The following KRT28 variants were observed in gnomAD, a reference collection of about 807,000 sequenced individuals.
KRT28 encodes keratin, type I cytoskeletal 28.
In KRT28, 45 loss-of-function variants were observed where a neutral mutation model predicts 48.1. The observed-to-expected ratio is 0.94, with a 90% CI of 0.74 to 1.20. The LOEUF (loss-of-function observed/expected upper bound fraction) is 1.20, where lower values mean the gene tolerates loss of function less well. KRT28 is among the 50% of genes most tolerant of loss of function. The pLI is 0.00. For synonymous variants in KRT28, 228 were observed against 227.4 expected, an observed-to-expected ratio of 1.00 and a Z score of -0.03; for missense variants, 571 against 574.1, an observed-to-expected ratio of 0.99 and a Z score of 0.06.
Position 40,793,150 on chromosome 17 carries a change from A to G in KRT28, c.1252+5T>C, listed in dbSNP as rs755514761. 1.9e-6 allele frequency: 3 copies of G among 1,540,322 alleles called. No homozygotes were observed. Among genetic ancestry groups the G allele is most frequent in the Non-Finnish European group, 2.6e-6 (3 of 1,137,914 alleles). ...AAGAAAAGAAATAGAACTAGATTTT[A>G]TTACCTTTAGATGAATTCCCAGGGC... is the stretch of plus-strand genomic sequence containing the variant. On this transcript the variant is annotated splice_donor_5th_base_variant and intron_variant, in intron 7 of 7. Transcript: ENST00000306658.
intron 5 of KRT28, among the ~76,000 whole-genome samples, chr17:40,796,659 A>G (rs752933768): frequency 4.6e-5 from 7 of 152,100 alleles, no homozygotes; most frequent in Non-Finnish European, 1.0e-4. Flanking sequence ...CTGAGAAAGG[A>G]TCTATGTGAA....
chr17:40,798,408 G>T lies in KRT28; in HGVS notation c.534-17C>A. 1 of 1,587,028 alleles carries T rather than the reference G, an allele frequency of 6.3e-7. No individual in the cohort carries two copies. The highest frequency in any genetic ancestry group is 8.6e-7 in the Non-Finnish European group (1 of 1,162,482). ...TTTTCATACCTTGGGGGGCATTTAA[G>T]TGAATTTCAGTGCCAGTAAGACTAC... is the stretch of plus-strand genomic sequence containing the variant. On this transcript the variant is annotated splice_polypyrimidine_tract_variant and intron_variant, in intron 2 of 7. Transcript: ENST00000306658.
Position 40,799,603 on chromosome 17 carries a change from C to G in KRT28, c.291G>C (p.Leu97Phe). ...CTCGCACATTATCCAGGTAGGATGC[C>G]AAGCGGTCATTAAGATTTTGCATGG... Reference protein sequence around the residue: ...KVTMQNLNDRLASYLDNVRAL... With the variant: ...KVTMQNLNDRFASYLDNVRAL... The change falls in exon 1 of 8, where the codon TTG becomes TTC. Residue 97 changes from leucine to phenylalanine, a missense_variant. By Grantham distance (22) the Leu-to-Phe change is conservative. Coordinates refer to ENST00000306658, the MANE Select transcript of KRT28 (RefSeq NM_181535.3). 6.2e-7 allele frequency: 1 copy of G among 1,614,168 alleles called. No homozygotes were observed. The highest frequency in any genetic ancestry group is 2.2e-5 in the East Asian group (1 of 44,888).
At chr17:40,794,895 T>C (rs1001506060) in intron 5 of KRT28, among the ~76,000 whole-genome samples, 1 of 152,256 alleles carries the variant, frequency 6.6e-6, no homozygotes, top group African/African-American at 2.4e-5. Flanking sequence ...GAAAGATTTA[T>C]TAAGAGAAGA....
At chr17:40,795,801 A>T (rs1475303756) in intron 5 of KRT28, among the ~76,000 whole-genome samples, 1 of 152,168 alleles carries the variant, frequency 6.6e-6, no homozygotes, top group Non-Finnish European at 1.5e-5. Context: ...GTAGCTCAGA[A>T]ATAGAGGGAG....
chr17:40,797,182 C>A lies in KRT28; in HGVS notation c.790G>T (p.Ala264Ser), dbSNP rs1264433009. Residue 264 changes from alanine to serine, a missense_variant, in exon 4 of 8, where the codon GCG becomes TCG. Transcript: ENST00000306658. The stretch of plus-strand genomic sequence containing the variant: ...TGCTCTGCAAGGGCTTCGTACTCCG[C>A]TCGCATGTTGTTCAACAAAACCGCG... The part of the protein sequence containing the change: ...DLAVLLNNMR[A>S]EYEALAEQNR... 1.2e-6 allele frequency: 2 copies of A among 1,614,182 alleles called. No homozygotes were observed. The highest frequency in any genetic ancestry group is 1.7e-6 in the Non-Finnish European group (2 of 1,180,026).
chr17:40,794,617 C>T (rs1331562280), intron 5 of KRT28, among the ~76,000 whole-genome samples: 3 of 152,134 alleles, frequency 2.0e-5, no homozygotes, highest in Non-Finnish European at 4.4e-5. Context: ...AGCTATATCT[C>T]ATAACACAAT....
At chr17:40,798,479 T>G in intron 2 of KRT28, 88 bp from the exon 3 acceptor site, 1 of 1,408,800 alleles carries the variant, frequency 7.1e-7, no homozygotes, top group South Asian at 1.3e-5. Flanking sequence ...AAACTGAAAA[T>G]TAGAAATTGA....
chr17:40,799,612 A>G lies in KRT28; in HGVS notation c.282T>C (p.Asn94=), dbSNP rs1404779091. 2 of 1,614,150 alleles carry G rather than the reference A, an allele frequency of 1.2e-6. No individual in the cohort carries two copies. Among genetic ancestry groups the G allele is most frequent in the Non-Finnish European group, 1.7e-6 (2 of 1,180,026 alleles). The part of the protein sequence containing the change: ...GNEKVTMQNL[N]DRLASYLDNV... ...TATCCAGGTAGGATGCCAAGCGGTC[A>G]TTAAGATTTTGCATGGTCACCTTCT... Residue 94 remains asparagine, a synonymous_variant, in exon 1 of 8, where the codon AAT becomes AAC. Coordinates refer to ENST00000306658, the MANE Select transcript of KRT28 (RefSeq NM_181535.3).
chr17:40,793,859 G>T lies in KRT28; in HGVS notation c.1166C>A (p.Thr389Asn). Residue 389 changes from threonine to asparagine, a missense_variant, in exon 6 of 8, where the codon ACC becomes AAC. Coordinates refer to ENST00000306658, the MANE Select transcript of KRT28 (RefSeq NM_181535.3). The part of the protein sequence containing the change: ...VKVHLEKEIE[T>N]YCRLIDGDGN... ...ATCTCCATCTATCAGGCGGCAGTAG[G>T]TCTCAATTTCTTTTTCCAAGTGGAC... 1.2e-6 allele frequency: 2 copies of T among 1,613,910 alleles called. No individual in the cohort carries two copies. The highest frequency in any genetic ancestry group is 1.1e-5 in the South Asian group (1 of 91,062).
At chr17:40,796,724 T>G (rs1275967556) in intron 5 of KRT28, among the ~76,000 whole-genome samples, 192 bp downstream of exon 5, 1 of 152,176 alleles carries the variant, frequency 6.6e-6, no homozygotes, top group African/African-American at 2.4e-5. Flanking sequence ...AAACTCCCAG[T>G]GATGTCAAGG....
chr17:40,797,069 G>A (rs1362654233), intron 4 of KRT28, 28 bp from the exon 5 acceptor site: 4 of 1,610,570 alleles, frequency 2.5e-6, no homozygotes, highest in Admixed American at 1.7e-5. Flanking sequence ...AGGGTCACAC[G>A]GAGTCCCCAC....
intron 1 of KRT28, 119 bp from the exon 2 acceptor site, chr17:40,799,118 TA>T: frequency 1.3e-5 from 8 of 636,336 alleles, no homozygotes; most frequent in Non-Finnish European, 2.7e-6. Flanking sequence ...CCTTATGTAA[TA>T]ATCAAAATGT....
intron 5 of KRT28, among the ~76,000 whole-genome samples, chr17:40,794,577 G>GC (rs1240925329): frequency 4.6e-5 from 7 of 151,952 alleles, no homozygotes; most frequent in African/African-American, 1.7e-4. Flanking sequence ...TTGAATGAGT[G>GC]CCTTAACAGA....
chr17:40,796,989 G>A lies in KRT28; in HGVS notation c.905C>T (p.Ala302Val). The change falls in exon 5 of 8, where the codon GCC becomes GTC. Residue 302 changes from alanine (A) to valine (V), a missense_variant. Ala to Val is a moderately conservative substitution (Grantham distance 64). Coordinates refer to ENST00000306658, the MANE Select transcript of KRT28 (RefSeq NM_181535.3). ...ISHDSGAATFARSQLTEMRRT... is the reference protein window; with the variant it reads ...ISHDSGAATFVRSQLTEMRRT... ...CCTCATCTCGGTGAGCTGGCTCCGG[G>A]CGAAAGTGGCTGCGCCTGAGTCGTG... 1 of 1,612,818 alleles carries A rather than the reference G, an allele frequency of 6.2e-7. No homozygotes were observed. The highest frequency in any genetic ancestry group is 1.1e-5 in the South Asian group (1 of 91,028).
At position 40,799,731 on chromosome 17, in the gene KRT28, TG is replaced by T. The variant is rs1904718351; in HGVS notation, c.162del (p.Ser55ValfsTer34). On this transcript the variant is annotated frameshift_variant, in exon 1 of 8. Coordinates refer to ENST00000306658, the MANE Select transcript of KRT28 (RefSeq NM_181535.3). LOFTEE classifies it high-confidence loss of function. The part of the protein sequence containing the change: ...EFSCALGGGL[G>X]SVPGGSHAGG... ...CCAGCATGGCTCCCACCAGGAACAC[TG>T]CCCAAGCCCCCTCCCAAGGCACAGG... The T allele has an allele frequency of 1.2e-6, 2 of 1,613,220 alleles. No homozygotes were observed. The highest frequency in any genetic ancestry group is 1.7e-6 in the Non-Finnish European group (2 of 1,179,726).
chr17:40,793,216 A>G lies in KRT28; in HGVS notation c.1197-6T>C. 1 of 1,524,404 alleles carries G rather than the reference A, an allele frequency of 6.6e-7. No homozygotes were observed. Among genetic ancestry groups the G allele is most frequent in the Non-Finnish European group, 8.9e-7 (1 of 1,129,182 alleles). 94.4% of individuals were successfully genotyped at this position (1,524,404 alleles called of 1,614,324 possible). On this transcript the variant is annotated splice_region_variant and splice_polypyrimidine_tract_variant and intron_variant, in intron 6 of 7. Coordinates refer to ENST00000306658, the MANE Select transcript of KRT28 (RefSeq NM_181535.3). ...CCTTTGATTTGGAGCATGAACTGTA[A>G]AAGAAATATAGTTTATTCTTTTATA...
chr17:40,799,362 A>C (rs1408634038), intron 1 of KRT28, 82 bp downstream of exon 1: 1 of 1,115,366 alleles, frequency 9.0e-7, no homozygotes, highest in African/African-American at 1.6e-5. Flanking sequence ...AACAGTCATG[A>C]AGCATTTCTT....
chr17:40,794,957 A>G (rs1407183842), intron 5 of KRT28, among the ~76,000 whole-genome samples: 1 of 152,200 alleles, frequency 6.6e-6, no homozygotes, highest in Non-Finnish European at 1.5e-5. Flanking sequence ...AGGCCCAAGT[A>G]TTTACCTAGT....
Sources: allele counts gnomAD v4.1 joint callset (sites outside exome capture counted in the v4.1 genomes callset), GRCh38; gene constraint gnomAD v4.1.1; transcripts MANE v1.5; gene names NCBI Gene and HGNC (gene_info 2026-07-23, HGNC 2026-07-21).